PCYT1B: variants seen among roughly 807,000 people sequenced by gnomAD.
The protein encoded by PCYT1B is phosphate cytidylyltransferase 1B, choline.
Under a neutral mutation model 26.4 loss-of-function variants are expected in PCYT1B, and 10 were observed. That is an observed-to-expected ratio of 0.38 (90% CI 0.23 to 0.64). The LOEUF is 0.64. PCYT1B is among the 30% of genes least tolerant of loss of function. The pLI, the probability that PCYT1B is intolerant of heterozygous loss-of-function variation, is 0.56. For missense variants in PCYT1B, 161 were observed against 292.7 expected, an observed-to-expected ratio of 0.55 and a Z score of 3.28; for synonymous variants, 131 against 108.4, an observed-to-expected ratio of 1.21 and a Z score of -1.29.
intron 5 of PCYT1B, among the ~76,000 whole-genome samples, chrX:24,579,777 C>T (rs1569239471): frequency 8.9e-6 from 1 of 111,843 alleles, no homozygotes; most frequent in African/African-American, 3.3e-5. Flanking sequence ...CAAAGCTCTT[C>T]CTCATCCTGC....
rs756525408 is a variant in PCYT1B at position 24,590,181 on chromosome X, C to T, written c.335-7G>A. 8.3e-6 allele frequency: 10 copies of T among 1,205,227 alleles called. No individual in the cohort carries two copies. Among genetic ancestry groups the T allele is most frequent in the Middle Eastern group, 2.3e-4 (1 of 4,318 alleles). On this transcript the variant is annotated splice_region_variant and splice_polypyrimidine_tract_variant and intron_variant, in intron 3 of 7. Transcript: ENST00000379144. Reference sequence around the variant, plus strand: ...GTGAGATCATCACTGCAAACTAAAACAGGCAAATGCATTAAATGCCATTAC... The same window carrying T: ...GTGAGATCATCACTGCAAACTAAAATAGGCAAATGCATTAAATGCCATTAC...
At chrX:24,657,815 A>G (rs1041967679) in intron 1 of PCYT1B, among the ~76,000 whole-genome samples, 3 of 112,139 alleles carry the variant, frequency 2.7e-5, no homozygotes, top group South Asian at 3.7e-4. Flanking sequence ...TGATGTGCAT[A>G]TTAATCCAGT....
chrX:24,607,702 C>T lies in PCYT1B; in HGVS notation c.334+43G>A, dbSNP rs12116104. The T allele has an allele frequency of 0.029, 21,025 of 717,592 alleles. 2,807 individuals carry two copies. The African/African-American group carries it at 0.39, about 13-fold the overall frequency. 59.1% of individuals were successfully genotyped at this position (717,592 alleles called of 1,213,427 possible). ...AAAGGGGCTCTTTTCAGAAAGCATACAATAAAAGAGTTTTCTAGACAAAAA... is the reference window on the plus strand; with the variant it reads ...AAAGGGGCTCTTTTCAGAAAGCATATAATAAAAGAGTTTTCTAGACAAAAA... On this transcript the variant is annotated intron_variant, in intron 3 of 7. Coordinates refer to ENST00000379144, the MANE Select transcript of PCYT1B (RefSeq NM_004845.5).
chrX:24,586,666 G>A (rs1362145930), intron 5 of PCYT1B, among the ~76,000 whole-genome samples: 3 of 112,363 alleles, frequency 2.7e-5, no homozygotes, highest in Non-Finnish European at 3.8e-5. Context: ...TGTACCTACA[G>A]TGCCTATAGA....
intron 3 of PCYT1B, among the ~76,000 whole-genome samples, chrX:24,599,044 T>C (rs1924878047): frequency 8.9e-6 from 1 of 112,120 alleles, no homozygotes; most frequent in African/African-American, 3.2e-5. Flanking sequence ...AAATCCTTTC[T>C]GGCTATATCT....
Position 24,623,383 on chromosome X carries a change from AT to A in PCYT1B, c.118-4300del, listed in dbSNP as rs202007693. Among the ~76,000 whole-genome samples the A allele has an allele frequency of 1.3e-4, 12 of 94,107 alleles. No homozygotes were observed. In the South Asian group the frequency reaches 1.6e-3, roughly 12 times the overall value. 81.7% of individuals were successfully genotyped at this position (94,107 alleles called of 115,157 possible). A position where few individuals can be genotyped will look rare whatever the true frequency, so the allele number is the denominator to read the frequency against. On this transcript the variant is annotated intron_variant, in intron 1 of 7. Transcript: ENST00000379144. ...GATTTACATATATATATATATATAT[AT>A]ATATATATATATATAACTTTAAATT...
chrX:24,616,487 C>T (rs971896750), intron 2 of PCYT1B, among the ~76,000 whole-genome samples: 1 of 111,322 alleles, frequency 9.0e-6, no homozygotes, highest in Admixed American at 9.6e-5. Context: ...GATCTGCCCG[C>T]CTCAGCCTCC....
intron 1 of PCYT1B, among the ~76,000 whole-genome samples, chrX:24,655,651 C>A (rs1020725270): frequency 9.0e-6 from 1 of 110,900 alleles, no homozygotes; most frequent in African/African-American, 3.3e-5. Flanking sequence ...GGCGTGGTGG[C>A]GGACATCTGT....
chrX:24,591,570 C>A (rs939381661), intron 3 of PCYT1B, among the ~76,000 whole-genome samples: 10 of 109,948 alleles, frequency 9.1e-5, no homozygotes. Flanking sequence ...ATTACAGGTG[C>A]GTGCCATGAC....
At chrX:24,638,140 C>T (rs1203653109) in intron 1 of PCYT1B, among the ~76,000 whole-genome samples, 1 of 111,456 alleles carries the variant, frequency 9.0e-6, no homozygotes, top group Non-Finnish European at 1.9e-5. Flanking sequence ...CCCTCAGCAT[C>T]CTGATGTCAG....
upstream of PCYT1B, among the ~76,000 whole-genome samples, chrX:24,649,236 G>A (rs1249638466): frequency 9.0e-6 from 1 of 111,524 alleles, no homozygotes; most frequent in African/African-American, 3.3e-5. Context: ...CTTTTCCTAC[G>A]TGTACTGGGT....
At chrX:24,631,082 C>T (rs747313696) in intron 1 of PCYT1B, among the ~76,000 whole-genome samples, 2 of 111,360 alleles carry the variant, frequency 1.8e-5, no homozygotes, top group Non-Finnish European at 3.8e-5. Context: ...GCCACCATGC[C>T]CGGCTAATTT....
intron 1 of PCYT1B, among the ~76,000 whole-genome samples, chrX:24,643,654 A>C (rs1385115465): frequency 8.9e-6 from 1 of 112,355 alleles, no homozygotes; most frequent in Non-Finnish European, 1.9e-5. Flanking sequence ...GAGAAACTAC[A>C]AGTTTTCCTG....
chrX:24,573,900 T>G (rs1471341752), intron 7 of PCYT1B, among the ~76,000 whole-genome samples: 1 of 111,088 alleles, frequency 9.0e-6, no homozygotes, highest in Non-Finnish European at 1.9e-5. Context: ...TGTAAACCTT[T>G]CACCCCTCTC....
chrX:24,590,034 C>G lies in PCYT1B; in HGVS notation c.475G>C (p.Glu159Gln), dbSNP rs1423439017. 7 of 1,201,124 alleles carry G rather than the reference C, an allele frequency of 5.8e-6. No homozygotes were observed. Among genetic ancestry groups the G allele is most frequent in the Non-Finnish European group, 7.9e-6 (7 of 890,239 alleles). The change falls in exon 4 of 8, where the codon GAA becomes CAA. Residue 159 changes from glutamate to glutamine, a missense_variant. Transcript: ENST00000379144. ...AGAATGAGAAGTACCTTGTGTTTTT[C>G]CAGAAACTCTGGCGTGAGTGTCCAG... ...APWTLTPEFLEKHKIDFVAHD... is the reference protein window; with the variant it reads ...APWTLTPEFLQKHKIDFVAHD...
intron 1 of PCYT1B, among the ~76,000 whole-genome samples, chrX:24,637,491 A>AAAAAAAAAATATATATATATAT: frequency 1.9e-5 from 1 of 52,882 alleles, no homozygotes; most frequent in African/African-American, 1.5e-4. Flanking sequence ...AAAAAAAAAA[A>AAAAAAAAAATATATATATATAT]ATATATATAT....
chrX:24,666,696 T>C (rs1927136072), intron 1 of PCYT1B, among the ~76,000 whole-genome samples: 1 of 110,117 alleles, frequency 9.1e-6, no homozygotes, highest in Non-Finnish European at 1.9e-5. Flanking sequence ...AACTTTAAAA[T>C]GTTCTAATAC....
rs1174324530 is a variant in PCYT1B at position 24,656,231 on chromosome X, G to GC, written c.63+16338_63+16339insG. 4.6e-4 allele frequency among the ~76,000 whole-genome samples: 46 copies of GC among 100,199 alleles called. 2 individuals are homozygous for GC. The Admixed American group carries it at 4.8e-3, about 11-fold the overall frequency. 87.0% of individuals were successfully genotyped at this position (100,199 alleles called of 115,157 possible). ...AAATCTATTATTGCAGGGGGTCGCGGGGGGGGGTGGTAATCAAGAAGACAG... is the reference window on the plus strand; with the variant it reads ...AAATCTATTATTGCAGGGGGTCGCGGCGGGGGGGTGGTAATCAAGAAGACAG... On this transcript the variant is annotated intron_variant, in intron 1 of 7. Transcript: ENST00000379145.
rs1468196867 is a variant in PCYT1B at position 24,643,925 on chromosome X, A to G, written c.117+3064T>C. Among the ~76,000 whole-genome samples the G allele has an allele frequency of 5.4e-5, 6 of 112,104 alleles. No individual in the cohort carries two copies. In the Admixed American group the frequency reaches 5.7e-4, roughly 11 times the overall value. ...TAGTTAGTTAAGCAACTCAGTAGCC[A>G]CACTCTGTTGATGGCTGTGGTGTCA... On this transcript the variant is annotated intron_variant, in intron 1 of 7. Coordinates refer to ENST00000379144, the MANE Select transcript of PCYT1B (RefSeq NM_004845.5).
Sources: gnomAD v4.1 joint callset for allele counts (sites outside exome capture counted in the v4.1 genomes callset) on GRCh38, gnomAD v4.1.1 for gene constraint, MANE v1.5 for transcripts, NCBI Gene and HGNC (gene_info 2026-07-23, HGNC 2026-07-21) for gene names.